The following AUTS2 variants were observed in gnomAD, a reference collection of about 807,000 sequenced individuals.
The protein encoded by AUTS2 is autism susceptibility gene 2 protein.
Under a neutral mutation model 112.4 loss-of-function variants are expected in AUTS2, and 17 were observed. The ratio of observed to expected loss-of-function variants is 0.15; its 90% CI spans 0.10 to 0.23. The LOEUF (loss-of-function observed/expected upper bound fraction) is 0.23, where lower values mean the gene tolerates loss of function less well. AUTS2 is among the 10% of genes least tolerant of loss of function. The pLI, the probability that AUTS2 is intolerant of heterozygous loss-of-function variation, is 1.00. For synonymous variants in AUTS2, 751 were observed against 702.7 expected, an observed-to-expected ratio of 1.07 and a Z score of -1.09; for missense variants, 1,510 against 1,701.6, an observed-to-expected ratio of 0.89 and a Z score of 1.98.
intron 4 of AUTS2, among the ~76,000 whole-genome samples, chr7:70,260,057 C>T (rs1787083303): frequency 6.6e-6 from 1 of 152,018 alleles, no homozygotes; most frequent in African/African-American, 2.4e-5. Flanking sequence ...TTACTTATAA[C>T]AGAATACCTA....
intron 1 of AUTS2, among the ~76,000 whole-genome samples, chr7:69,626,648 G>A (rs931055660): frequency 2.0e-5 from 3 of 152,168 alleles, no homozygotes; most frequent in African/African-American, 7.2e-5. Context: ...AGTATCAAGT[G>A]AACAAGCTGA....
intron 4 of AUTS2, among the ~76,000 whole-genome samples, chr7:70,301,536 G>A (rs138625186): frequency 2.2e-4 from 34 of 152,192 alleles, no homozygotes; most frequent in Admixed American, 1.2e-3. Flanking sequence ...CTTTGAAGAC[G>A]TGCAACATTT....
chr7:70,191,693 T>G (rs1454005860), intron 4 of AUTS2, among the ~76,000 whole-genome samples: 1 of 152,210 alleles, frequency 6.6e-6, no homozygotes, highest in African/African-American at 2.4e-5. Flanking sequence ...TGTCCCCATG[T>G]GAATAAATGC....
chr7:69,896,536 T>G (rs1794749254), intron 1 of AUTS2, among the ~76,000 whole-genome samples: 1 of 152,054 alleles, frequency 6.6e-6, no homozygotes, highest in African/African-American at 2.4e-5. Context: ...CAGTGCACAC[T>G]AGATTCCTTG....
chr7:70,725,955 G>A (rs1787002116), intron 6 of AUTS2, among the ~76,000 whole-genome samples: 1 of 151,246 alleles, frequency 6.6e-6, no homozygotes, highest in South Asian at 2.1e-4. Flanking sequence ...CTGGGACATT[G>A]AGGTTGCAGT....
At chr7:70,025,578 A>G (rs1489094746) in intron 2 of AUTS2, among the ~76,000 whole-genome samples, 1 of 151,100 alleles carries the variant, frequency 6.6e-6, no homozygotes, top group Non-Finnish European at 1.5e-5. Context: ...CAGCCTCTCA[A>G]GTAGCTGGGA....
intron 1 of AUTS2, among the ~76,000 whole-genome samples, chr7:69,699,813 T>A: frequency 6.6e-6 from 1 of 151,928 alleles, no homozygotes; most frequent in East Asian, 1.9e-4. Flanking sequence ...CCTGGCTAAT[T>A]TTTGTATATT....
At chr7:70,479,811 C>T (rs1227735397) in intron 5 of AUTS2, among the ~76,000 whole-genome samples, 1 of 152,200 alleles carries the variant, frequency 6.6e-6, no homozygotes, top group Non-Finnish European at 1.5e-5. Context: ...ACTGTGCTAA[C>T]CCTAAATCAG....
intron 4 of AUTS2, among the ~76,000 whole-genome samples, chr7:70,266,289 C>T (rs1235562040): frequency 6.6e-6 from 1 of 152,140 alleles, no homozygotes; most frequent in Non-Finnish European, 1.5e-5. Context: ...AAGCCAGACA[C>T]CAAACGGCAC....
chr7:70,772,050 T>C (rs1267446561), intron 11 of AUTS2, among the ~76,000 whole-genome samples: 1 of 152,224 alleles, frequency 6.6e-6, no homozygotes, highest in African/African-American at 2.4e-5. Context: ...CTGATTTTAG[T>C]AGAAGTGGGG....
At chr7:70,716,631 C>T (rs796768236) in intron 6 of AUTS2, among the ~76,000 whole-genome samples, 140 of 69,870 alleles carry the variant, frequency 2.0e-3, no homozygotes, top group African/African-American at 8.0e-3. Flanking sequence ...AGCGAGACTC[C>T]GTCTCAAAAA....
At chr7:70,253,215 G>A (rs1786691353) in intron 4 of AUTS2, among the ~76,000 whole-genome samples, 1 of 152,136 alleles carries the variant, frequency 6.6e-6, no homozygotes, top group Non-Finnish European at 1.5e-5. Context: ...GGCATAACAA[G>A]ATGTCATTTT....
chr7:70,163,688 C>T (rs1031356266), intron 4 of AUTS2, among the ~76,000 whole-genome samples: 4 of 152,124 alleles, frequency 2.6e-5, no homozygotes, highest in African/African-American at 9.7e-5. Context: ...GGTAGAGGAA[C>T]AGGAAACTTT....
intron 4 of AUTS2, among the ~76,000 whole-genome samples, chr7:70,316,673 AC>A (rs1432505423): frequency 1.3e-5 from 2 of 152,280 alleles, no homozygotes; most frequent in Non-Finnish European, 2.9e-5. Flanking sequence ...TGCTTGGATT[AC>A]AGGTGTGAGC....
At chr7:69,888,307 T>C (rs2129538588) in intron 1 of AUTS2, among the ~76,000 whole-genome samples, 1 of 151,862 alleles carries the variant, frequency 6.6e-6, no homozygotes, top group Admixed American at 6.6e-5. Context: ...CCACTCATGA[T>C]GGACGGCAAA....
intron 6 of AUTS2, among the ~76,000 whole-genome samples, chr7:70,741,494 C>T (rs1304342310): frequency 4.6e-5 from 7 of 151,976 alleles, no homozygotes; most frequent in African/African-American, 1.7e-4. Context: ...GAGTTTGAGA[C>T]CAGCTTGACC....
intron 4 of AUTS2, among the ~76,000 whole-genome samples, chr7:70,278,779 G>A (rs772861788): frequency 1.6e-4 from 24 of 152,126 alleles, no homozygotes; most frequent in African/African-American, 5.3e-4. Context: ...AAATCAGCCC[G>A]AAAGTGTTTT....
intron 2 of AUTS2, among the ~76,000 whole-genome samples, chr7:69,972,670 CATGTGTGTGT>C (rs1321751701): frequency 1.5e-4 from 17 of 111,650 alleles, no homozygotes; most frequent in East Asian, 9.3e-4. Context: ...TGTGTGCGTG[CATGTGTGTGT>C]GTGTGTGTGT....
At chr7:70,240,177 G>A (rs1812538793) in intron 4 of AUTS2, among the ~76,000 whole-genome samples, 1 of 152,278 alleles carries the variant, frequency 6.6e-6, no homozygotes. Flanking sequence ...GGCTATAGAA[G>A]GAGATTTAAT....
Sources: gnomAD v4.1 joint callset for allele counts (sites outside exome capture counted in the v4.1 genomes callset) on GRCh38, gnomAD v4.1.1 for gene constraint, MANE v1.5 for transcripts, NCBI Gene and HGNC (gene_info 2026-07-23, HGNC 2026-07-21) for gene names.